SLC24A4: variants seen among roughly 807,000 people sequenced by gnomAD.
SLC24A4 encodes solute carrier family 24 member 4.
In SLC24A4, 53 loss-of-function variants were observed where a neutral mutation model predicts 79.0. The ratio of observed to expected loss-of-function variants is 0.67; its 90% CI spans 0.54 to 0.84. The LOEUF is 0.84. SLC24A4 is among the 40% of genes least tolerant of loss of function. The pLI, the probability that SLC24A4 is intolerant of heterozygous loss-of-function variation, is 0.00. For synonymous variants in SLC24A4, 323 were observed against 323.8 expected (o/e 1.00, Z 0.03); for missense variants, 731 against 822.0 (o/e 0.89, Z 1.35).
intron 14 of SLC24A4, among the ~76,000 whole-genome samples, chr14:92,487,965 T>TTCCTCCTCCTGCTCCTCC (rs1895462287): frequency 1.3e-5 from 2 of 151,748 alleles, no homozygotes; most frequent in Non-Finnish European, 2.9e-5. Flanking sequence ...CTGTGTCGAC[T>TTCCTCCTCCTGCTCCTCC]TCCTCCTCCT....
intron 2 of SLC24A4, among the ~76,000 whole-genome samples, chr14:92,335,564 T>C (rs998688628): frequency 6.6e-5 from 10 of 151,840 alleles, no homozygotes; most frequent in African/African-American, 1.9e-4. Flanking sequence ...GGTTTCACCA[T>C]GTTAGTCAGG....
chr14:92,482,684 C>T lies in SLC24A4; in HGVS notation c.1260C>T (p.Ala420=). Residue 420 remains alanine (A), a synonymous_variant, in exon 13 of 17, where the codon GCC becomes GCT. Coordinates refer to ENST00000532405, the MANE Select transcript of SLC24A4 (RefSeq NM_153646.4). ...DFLSPFSVPE[A]RGDKVKWVFT... ...CTCTGCCCCTTCACCCTGCAGAGGC[C>T]AGAGGGGACAAGGTCAAGTGGGTGT... The T allele has an allele frequency of 6.2e-7, 1 of 1,612,280 alleles. No individual in the cohort carries two copies. Among genetic ancestry groups the T allele is most frequent in the Non-Finnish European group, 8.5e-7 (1 of 1,178,914 alleles).
In SLC24A4 at chr14:92,399,269, G is replaced by A. The variant is rs75728970; in HGVS notation, c.242-34643G>A. Among the ~76,000 whole-genome samples the A allele has an allele frequency of 2.3e-3, 352 of 152,226 alleles. 8 individuals are homozygous for A. In the East Asian group the frequency reaches 0.056, roughly 24 times the overall value. ...TGAATTGCTATAAACTTGCTTATGC[G>A]GCCGAGTCTCACCTTGATTTTGGCA... On this transcript the variant is annotated intron_variant, in intron 2 of 16. Transcript: ENST00000532405.
chr14:92,363,548 G>C (rs768448117), intron 2 of SLC24A4, among the ~76,000 whole-genome samples: 2 of 152,152 alleles, frequency 1.3e-5, no homozygotes, highest in African/African-American at 4.8e-5. Flanking sequence ...TGCTTTCCAC[G>C]TCCCTCCTTT....
intron 2 of SLC24A4, among the ~76,000 whole-genome samples, chr14:92,415,186 C>G (rs1890914645): frequency 6.6e-6 from 1 of 152,182 alleles, no homozygotes; most frequent in South Asian, 2.1e-4. Flanking sequence ...CATTGATCTT[C>G]TCATGAGTTG....
chr14:92,367,561 G>A (rs535539791), intron 2 of SLC24A4, among the ~76,000 whole-genome samples: 1 of 152,334 alleles, frequency 6.6e-6, no homozygotes, highest in South Asian at 2.1e-4. Context: ...CCTGAGAAGT[G>A]AAGGGGTATC....
chr14:92,364,136 T>C (rs1887690983), intron 2 of SLC24A4, among the ~76,000 whole-genome samples: 1 of 152,256 alleles, frequency 6.6e-6, no homozygotes, highest in African/African-American at 2.4e-5. Context: ...ACTACTGCTT[T>C]CGTGACATAA....
At chr14:92,422,673 G>A (rs1319157002) in intron 2 of SLC24A4, among the ~76,000 whole-genome samples, 1 of 152,088 alleles carries the variant, frequency 6.6e-6, no homozygotes, top group East Asian at 1.9e-4. Context: ...AAAAATGGAA[G>A]CTATTTTTCC....
chr14:92,349,479 GTTAGGACA>G (rs950532070), intron 2 of SLC24A4, among the ~76,000 whole-genome samples: 8 of 152,194 alleles, frequency 5.3e-5, no homozygotes, highest in Admixed American at 5.2e-4. Flanking sequence ...TTTCTTAAGT[GTTAGGACA>G]TTTCCGTTTT....
chr14:92,463,899 A>G (rs1893956404), intron 12 of SLC24A4, among the ~76,000 whole-genome samples: 1 of 152,190 alleles, frequency 6.6e-6, no homozygotes, highest in African/African-American at 2.4e-5. Flanking sequence ...GGATCACGCA[A>G]TTTGTGGCCT....
intron 2 of SLC24A4, among the ~76,000 whole-genome samples, chr14:92,415,862 A>G (rs1890955227): frequency 6.6e-6 from 1 of 151,804 alleles, no homozygotes; most frequent in Non-Finnish European, 1.5e-5. Context: ...GTTTGGGTGC[A>G]CCCATCACCC....
intron 7 of SLC24A4, among the ~76,000 whole-genome samples, chr14:92,444,058 A>G (rs1028786152): frequency 2.6e-5 from 4 of 151,998 alleles, no homozygotes; most frequent in African/African-American, 4.8e-5. Context: ...TGCAGCCCAC[A>G]TGCTAGGGAA....
chr14:92,458,415 C>T (rs909470019), intron 12 of SLC24A4, among the ~76,000 whole-genome samples: 7 of 152,224 alleles, frequency 4.6e-5, no homozygotes, highest in Non-Finnish European at 7.3e-5. Context: ...CACCTGCCCA[C>T]CTGCTCTGTG....
chr14:92,472,830 A>C (rs1233633727), intron 12 of SLC24A4, among the ~76,000 whole-genome samples: 1 of 152,198 alleles, frequency 6.6e-6, no homozygotes, highest in Non-Finnish European at 1.5e-5. Context: ...ATTAAATGGT[A>C]GATCTACCTT....
intron 2 of SLC24A4, among the ~76,000 whole-genome samples, chr14:92,391,383 T>G (rs1889451965): frequency 1.3e-5 from 2 of 152,260 alleles, no homozygotes; most frequent in Non-Finnish European, 2.9e-5. Flanking sequence ...GTCTCCAGGG[T>G]GGGTTGTTAC....
chr14:92,475,748 T>C (rs1894726534), intron 12 of SLC24A4, among the ~76,000 whole-genome samples: 1 of 152,172 alleles, frequency 6.6e-6, no homozygotes, highest in Non-Finnish European at 1.5e-5. Flanking sequence ...CCTACAGGAA[T>C]ATTTTATACA....
intron 2 of SLC24A4, among the ~76,000 whole-genome samples, chr14:92,391,462 C>G (rs1462024347): frequency 6.6e-6 from 1 of 152,204 alleles, no homozygotes; most frequent in Non-Finnish European, 1.5e-5. Context: ...GGGAGGTAAG[C>G]TCCAGGAAAA....
intron 9 of SLC24A4, 119 bp from the exon 10 acceptor site, chr14:92,448,955 G>C (rs1566775380): frequency 1.6e-6 from 2 of 1,234,910 alleles, no homozygotes. Flanking sequence ...CACCTCCCCT[G>C]CCACCCACCA....
intron 12 of SLC24A4, among the ~76,000 whole-genome samples, chr14:92,475,747 A>G (rs1391189392): frequency 2.6e-5 from 4 of 152,232 alleles, no homozygotes; most frequent in African/African-American, 9.6e-5. Flanking sequence ...ACCTACAGGA[A>G]TATTTTATAC....
Sources: gnomAD v4.1 joint callset for allele counts (sites outside exome capture counted in the v4.1 genomes callset) on GRCh38, gnomAD v4.1.1 for gene constraint, MANE v1.5 for transcripts, NCBI Gene and HGNC (gene_info 2026-07-23, HGNC 2026-07-21) for gene names.